GPM6A: variants seen among roughly 807,000 people sequenced by gnomAD.
GPM6A encodes the protein glycoprotein M6A, also known as neuronal membrane glycoprotein M6-a.
Under a neutral mutation model 32.1 loss-of-function variants are expected in GPM6A, and 7 were observed. That is an observed-to-expected ratio of 0.22 (90% confidence interval 0.12 to 0.41). The LOEUF is 0.41. Among genes scored for constraint, GPM6A ranks in the 10% least tolerant of loss-of-function variants. The pLI, the probability that GPM6A is intolerant of heterozygous loss-of-function variation, is 1.00. For synonymous variants in GPM6A, 130 were observed against 123.4 expected, an observed-to-expected ratio of 1.05 and a Z score of -0.35; for missense variants, 235 against 347.2, an observed-to-expected ratio of 0.68 and a Z score of 2.57.
At chr4:175,723,209 T>C (rs1746236208) in intron 1 of GPM6A, among the ~76,000 whole-genome samples, 1 of 152,198 alleles carries the variant, frequency 6.6e-6, no homozygotes, top group South Asian at 2.1e-4. Context: ...AATTTGTAAT[T>C]ATGACTGAAT....
intron 1 of GPM6A, among the ~76,000 whole-genome samples, chr4:175,934,856 G>A (rs1481798230): frequency 1.3e-5 from 2 of 152,016 alleles, no homozygotes; most frequent in African/African-American, 2.4e-5. Flanking sequence ...TGAAAGTGTA[G>A]CCCCATTTTT....
Position 175,970,903 on chromosome 4 carries a change from C to T in GPM6A, c.-23+31406G>A, listed in dbSNP as rs1412137889. 1.3e-5 allele frequency: 6 copies of T among 446,058 alleles called. No individual in the cohort carries two copies. The Admixed American group carries it at 1.4e-4, about 11-fold the overall frequency. The allele number at this position is 446,058 out of a possible 1,614,324, so 27.6% of individuals were successfully genotyped here. A position where few individuals can be genotyped will look rare whatever the true frequency, so the allele number is the denominator to read the frequency against. The stretch of plus-strand genomic sequence containing the variant: ...GTAGGCATCACTCGATACCGACAGA[C>T]CCTTTTTTTTCCCAACTGAAGAACA... On this transcript the variant is annotated intron_variant, in intron 1 of 7. Coordinates refer to the GPM6A transcript ENST00000280187.
chr4:175,666,076 G>A (rs191855434), intron 3 of GPM6A, among the ~76,000 whole-genome samples: 4 of 151,598 alleles, frequency 2.6e-5, no homozygotes, highest in East Asian at 4.0e-4. Context: ...CCACCACCAC[G>A]CCTGGCTAAT....
At chr4:175,700,120 C>A (rs1442551180) in intron 2 of GPM6A, among the ~76,000 whole-genome samples, 1 of 152,070 alleles carries the variant, frequency 6.6e-6, no homozygotes, top group Non-Finnish European at 1.5e-5. Context: ...ACCTCAGCCT[C>A]CCAAAGTGCT....
chr4:175,705,742 C>A (rs977973161), intron 1 of GPM6A, among the ~76,000 whole-genome samples: 2 of 152,086 alleles, frequency 1.3e-5, no homozygotes, highest in African/African-American at 4.8e-5. Flanking sequence ...CACTGAACTG[C>A]AAATGAAAAG....
intron 1 of GPM6A, among the ~76,000 whole-genome samples, chr4:175,752,778 T>C (rs1009743506): frequency 2.6e-5 from 4 of 152,180 alleles, no homozygotes; most frequent in Admixed American, 6.6e-5. Flanking sequence ...CCAAGTTGGT[T>C]ATGCCATCTT....
At chr4:175,714,793 C>A (rs1745751465) in intron 1 of GPM6A, among the ~76,000 whole-genome samples, 1 of 151,764 alleles carries the variant, frequency 6.6e-6, no homozygotes, top group Non-Finnish European at 1.5e-5. Context: ...AAATATATTA[C>A]TAATTACAGA....
intron 1 of GPM6A, among the ~76,000 whole-genome samples, chr4:175,899,595 A>C (rs1737889357): frequency 6.6e-6 from 1 of 152,174 alleles, no homozygotes; most frequent in Non-Finnish European, 1.5e-5. Context: ...CATTTTAAAC[A>C]AAGGTGCCAA....
chr4:175,912,221 C>T (rs1738343454), intron 1 of GPM6A, among the ~76,000 whole-genome samples: 1 of 151,974 alleles, frequency 6.6e-6, no homozygotes, highest in African/African-American at 2.4e-5. Flanking sequence ...TTGATAAGGA[C>T]AAAAAAGTTC....
chr4:175,909,920 T>C (rs1488594654), intron 1 of GPM6A, among the ~76,000 whole-genome samples: 2 of 152,132 alleles, frequency 1.3e-5, no homozygotes, highest in African/African-American at 4.8e-5. Flanking sequence ...GTATTAAACA[T>C]GAAGAGCTCA....
chr4:175,833,361 C>G (rs1735672704), intron 1 of GPM6A, among the ~76,000 whole-genome samples: 1 of 152,080 alleles, frequency 6.6e-6, no homozygotes, highest in African/African-American at 2.4e-5. Flanking sequence ...TCCTCCTTAC[C>G]ACCTGTAGGA....
chr4:175,873,773 C>T (rs1363469739), intron 1 of GPM6A, among the ~76,000 whole-genome samples: 2 of 152,118 alleles, frequency 1.3e-5, no homozygotes, highest in East Asian at 1.9e-4. Context: ...TACAGACTCT[C>T]AATATGGAAA....
chr4:175,962,388 A>G (rs1740195028), intron 1 of GPM6A: 1 of 740,730 alleles, frequency 1.4e-6, no homozygotes, highest in African/African-American at 1.7e-5. Context: ...AGACCACTCC[A>G]CCCTCACCAA....
intron 2 of GPM6A, among the ~76,000 whole-genome samples, chr4:175,674,657 G>C (rs1743262173): frequency 6.6e-6 from 1 of 152,190 alleles, no homozygotes; most frequent in South Asian, 2.1e-4. Flanking sequence ...TTACGTTACA[G>C]ATAGTCAATT....
At chr4:175,658,077 T>G (rs1219464557) in intron 3 of GPM6A, among the ~76,000 whole-genome samples, 1 of 152,174 alleles carries the variant, frequency 6.6e-6, no homozygotes, top group Non-Finnish European at 1.5e-5. Flanking sequence ...CTACCTATGC[T>G]CAAGTTGTGA....
intron 1 of GPM6A, among the ~76,000 whole-genome samples, chr4:175,722,875 T>G (rs1746215277): frequency 1.0e-5 from 1 of 97,680 alleles, no homozygotes; most frequent in Admixed American, 1.3e-4. Flanking sequence ...AAAACTGTCT[T>G]TACAAAGAAA....
intron 3 of GPM6A, among the ~76,000 whole-genome samples, chr4:175,653,021 C>T (rs935359635): frequency 6.6e-6 from 1 of 152,106 alleles, no homozygotes; most frequent in Non-Finnish European, 1.5e-5. Flanking sequence ...AACTAGACCT[C>T]TTATTCAACC....
intron 1 of GPM6A, among the ~76,000 whole-genome samples, chr4:175,782,481 C>T (rs1168979662): frequency 1.3e-5 from 2 of 152,092 alleles, no homozygotes; most frequent in Middle Eastern, 3.2e-3. Flanking sequence ...TCTTCCTCCC[C>T]TTACATATCT....
intron 1 of GPM6A, among the ~76,000 whole-genome samples, chr4:175,835,718 C>T (rs1024925872): frequency 6.9e-6 from 1 of 144,888 alleles, no homozygotes; most frequent in East Asian, 2.0e-4. Flanking sequence ...CTTTACAGTA[C>T]ATATTAACTA....
Sources: allele counts gnomAD v4.1 joint callset (sites outside exome capture counted in the v4.1 genomes callset), GRCh38; gene constraint gnomAD v4.1.1; transcripts MANE v1.5; gene names NCBI Gene and HGNC (gene_info 2026-07-23, HGNC 2026-07-21).